SEMA5A: variants seen among roughly 807,000 people sequenced by gnomAD.
The protein encoded by SEMA5A is semaphorin 5A.
Under a neutral mutation model 135.5 loss-of-function variants are expected in SEMA5A, and 55 were observed. That is an observed-to-expected ratio of 0.41 (90% CI 0.33 to 0.51). SEMA5A has a LOEUF of 0.51. SEMA5A is among the 20% of genes least tolerant of loss of function. The probability of loss-of-function intolerance (pLI) is 0.37; values close to 1 mark genes in which losing one functional copy is unlikely to be tolerated. For missense variants in SEMA5A, 1,290 were observed against 1,419.9 expected, an observed-to-expected ratio of 0.91 and a Z score of 1.47; for synonymous variants, 580 against 546.5, an observed-to-expected ratio of 1.06 and a Z score of -0.85.
At chr5:9,348,353 T>A (rs1049432582) in intron 3 of SEMA5A, among the ~76,000 whole-genome samples, 3 of 152,224 alleles carry the variant, frequency 2.0e-5, no homozygotes, top group Non-Finnish European at 4.4e-5. Flanking sequence ...AAGACAGATT[T>A]TTTTTAAATT....
intron 3 of SEMA5A, among the ~76,000 whole-genome samples, chr5:9,349,380 C>T (rs916242475): frequency 2.0e-5 from 3 of 152,098 alleles, no homozygotes; most frequent in Non-Finnish European, 4.4e-5. Flanking sequence ...GTAGGTACTG[C>T]CTGGAATACA....
intron 5 of SEMA5A, among the ~76,000 whole-genome samples, chr5:9,299,899 C>T (rs1271224683): frequency 6.6e-6 from 1 of 152,128 alleles, no homozygotes; most frequent in African/African-American, 2.4e-5. Context: ...AGTTTTAAGG[C>T]CCCTCAGTGG....
In SEMA5A at chr5:9,224,801, G is replaced by C; in HGVS notation, c.519C>G (p.Leu173=). ...YSPQHNSTAL[L]TAGGELYAAT... ...CAGCATAGAGCTCCCCACCAGCTGTGAGGAGCGCTGTGGAATTGTGCTGGG... is the reference window on the plus strand; with the variant it reads ...CAGCATAGAGCTCCCCACCAGCTGTCAGGAGCGCTGTGGAATTGTGCTGGG... Residue 173 remains leucine, a synonymous_variant, in exon 8 of 23, where the codon CTC becomes CTG. Coordinates refer to ENST00000382496, the MANE Select transcript of SEMA5A (RefSeq NM_003966.3). The C allele has an allele frequency of 1.9e-6, 3 of 1,614,170 alleles. No homozygotes were observed. In the South Asian group the frequency reaches 3.3e-5, roughly 18 times the overall value.
At chr5:9,137,880 T>C (rs1741848093) in intron 12 of SEMA5A, among the ~76,000 whole-genome samples, 3 of 152,216 alleles carry the variant, frequency 2.0e-5, no homozygotes, top group Admixed American at 2.0e-4. Context: ...TTTGGTCATT[T>C]AAACCCCATG....
chr5:9,506,096 A>G (rs1735866259), intron 1 of SEMA5A, among the ~76,000 whole-genome samples: 1 of 152,234 alleles, frequency 6.6e-6, no homozygotes, highest in Non-Finnish European at 1.5e-5. Context: ...AATAGAAAGG[A>G]TTAGATAATT....
In SEMA5A at chr5:9,197,208, G is replaced by A. The variant is rs200772051; in HGVS notation, c.1028C>T (p.Ser343Leu). ...TGGGTTGGGATACGGTAGCCAGGCCGAGCGCGAGTTTTCTTGGTACTTGAA... is the reference window on the plus strand; with the variant it reads ...TGGGTTGGGATACGGTAGCCAGGCCAAGCGCGAGTTTTCTTGGTACTTGAA... ...GPFKYQENSR[S>L]AWLPYPNPNP... The change falls in exon 10 of 23, where the codon TCG (serine) becomes TTG (leucine). Residue 343 changes from serine (S) to leucine (L), a missense_variant. Transcript: ENST00000382496. 1.1e-5 allele frequency: 17 copies of A among 1,614,106 alleles called. No homozygotes were observed. The highest frequency in any genetic ancestry group is 3.3e-5 in the Admixed American group (2 of 60,014).
chr5:9,511,321 T>C (rs1221604064), intron 1 of SEMA5A: 3 of 152,230 alleles, frequency 2.0e-5, no homozygotes, highest in Non-Finnish European at 4.4e-5. Flanking sequence ...AATTGGAATA[T>C]ATCCTGTTCC....
At chr5:9,488,411 G>A (rs1311230559) in intron 1 of SEMA5A, among the ~76,000 whole-genome samples, 2 of 152,176 alleles carry the variant, frequency 1.3e-5, no homozygotes, top group Non-Finnish European at 2.9e-5. Flanking sequence ...TGCAAAATAT[G>A]CTGCCTTTCA....
intron 5 of SEMA5A, among the ~76,000 whole-genome samples, chr5:9,301,102 G>A (rs1247791696): frequency 1.3e-5 from 2 of 152,162 alleles, no homozygotes; most frequent in Non-Finnish European, 2.9e-5. Context: ...GTTTAAATGT[G>A]ACTTCAGAAA....
chr5:9,335,261 T>C (rs1435150410), intron 4 of SEMA5A, among the ~76,000 whole-genome samples: 3 of 152,100 alleles, frequency 2.0e-5, no homozygotes, highest in Admixed American at 1.3e-4. Flanking sequence ...GACACCCCAC[T>C]GACACTGGAA....
At chr5:9,483,210 T>C (rs1160893148) in intron 1 of SEMA5A, among the ~76,000 whole-genome samples, 2 of 152,152 alleles carry the variant, frequency 1.3e-5, no homozygotes, top group Non-Finnish European at 2.9e-5. Context: ...TAATGTTCTG[T>C]CTTTGGGGCT....
At chr5:9,218,901 T>C (rs756356214) in intron 8 of SEMA5A, among the ~76,000 whole-genome samples, 17 of 152,250 alleles carry the variant, frequency 1.1e-4, no homozygotes, top group Non-Finnish European at 2.5e-4. Context: ...AACTCCCTAC[T>C]ACATCTCAGA....
chr5:9,238,500 T>C (rs1301602493), intron 5 of SEMA5A, among the ~76,000 whole-genome samples: 1 of 152,168 alleles, frequency 6.6e-6, no homozygotes, highest in Non-Finnish European at 1.5e-5. Flanking sequence ...AGCTTTTAAA[T>C]ATTTTTTCTC....
chr5:9,135,681 G>C (rs1741697859), intron 13 of SEMA5A, among the ~76,000 whole-genome samples: 1 of 152,156 alleles, frequency 6.6e-6, no homozygotes, highest in Admixed American at 6.5e-5. Flanking sequence ...CTGATGGGCA[G>C]AGATCAGCAG....
chr5:9,075,273 TAAG>T (rs1737985026), intron 16 of SEMA5A, among the ~76,000 whole-genome samples: 1 of 152,200 alleles, frequency 6.6e-6, no homozygotes, highest in African/African-American at 2.4e-5. Context: ...GATACTTTCC[TAAG>T]AAGTCAAACG....
intron 5 of SEMA5A, among the ~76,000 whole-genome samples, chr5:9,289,633 C>A (rs1295030616): frequency 6.6e-6 from 1 of 151,966 alleles, no homozygotes; most frequent in Non-Finnish European, 1.5e-5. Context: ...CCACTGCATT[C>A]CAGCCTGGGT....
At chr5:9,090,476 CA>C (rs1738970666) in intron 16 of SEMA5A, among the ~76,000 whole-genome samples, 1 of 152,206 alleles carries the variant, frequency 6.6e-6, no homozygotes, top group African/African-American at 2.4e-5. Context: ...AAAGATAATA[CA>C]ACTTAAAATG....
chr5:9,054,813 C>T (rs146636429), intron 18 of SEMA5A, among the ~76,000 whole-genome samples: 2 of 152,120 alleles, frequency 1.3e-5, no homozygotes, highest in Non-Finnish European at 1.5e-5. Flanking sequence ...GAAGAATGCT[C>T]GGTAAATTCA....
At chr5:9,350,929 A>G (rs549705894) in intron 3 of SEMA5A, among the ~76,000 whole-genome samples, 60 of 152,360 alleles carry the variant, frequency 3.9e-4, no homozygotes, top group Admixed American at 3.9e-3. Flanking sequence ...CTAGAAAATC[A>G]TTGAACCTGA....
Sources: gnomAD v4.1 joint callset for allele counts (sites outside exome capture counted in the v4.1 genomes callset) on GRCh38, gnomAD v4.1.1 for gene constraint, MANE v1.5 for transcripts, NCBI Gene and HGNC (gene_info 2026-07-23, HGNC 2026-07-21) for gene names.